Variants in CYTH3 observed in about 807,000 individuals in gnomAD.
CYTH3 encodes cytohesin 3.
Under a neutral mutation model 55.1 loss-of-function variants are expected in CYTH3, and 23 were observed. The ratio of observed to expected loss-of-function variants is 0.42; its 90% CI spans 0.30 to 0.59. The LOEUF (loss-of-function observed/expected upper bound fraction) is 0.59. Ranked by LOEUF, CYTH3 falls within the 20% of genes least tolerant of loss-of-function variation. The pLI is 0.20. For missense variants in CYTH3, 413 were observed against 524.8 expected (o/e 0.79, Z 2.08); for synonymous variants, 249 against 194.9 (o/e 1.28, Z -2.31).
intron 4 of CYTH3, among the ~76,000 whole-genome samples, chr7:6,182,780 G>C (rs1341746189): frequency 6.6e-6 from 1 of 152,104 alleles, no homozygotes; most frequent in African/African-American, 2.4e-5. Context: ...AAGACGTCAG[G>C]ATTATAGGCA....
chr7:6,245,004 TAG>T (rs1014754306), intron 1 of CYTH3, among the ~76,000 whole-genome samples: 5 of 130,946 alleles, frequency 3.8e-5, no homozygotes, highest in Admixed American at 8.5e-5. Context: ...GTATTTTTAG[TAG>T]AGACATGGTT....
intron 1 of CYTH3, among the ~76,000 whole-genome samples, chr7:6,242,440 G>C (rs1467332773): frequency 7.1e-5 from 10 of 140,526 alleles, no homozygotes; most frequent in African/African-American, 2.4e-4. Flanking sequence ...GCAGTGGCAC[G>C]ATCTTGGCTC....
At chr7:6,215,506 C>A (rs1022560925) in intron 1 of CYTH3, among the ~76,000 whole-genome samples, 2 of 150,020 alleles carry the variant, frequency 1.3e-5, no homozygotes, top group Non-Finnish European at 2.9e-5. Flanking sequence ...AGGAGAATGG[C>A]GTGAACCCAG....
At chr7:6,227,852 C>G (rs1779294352) in intron 1 of CYTH3, among the ~76,000 whole-genome samples, 1 of 152,160 alleles carries the variant, frequency 6.6e-6, no homozygotes, top group Non-Finnish European at 1.5e-5. Flanking sequence ...TGAATGTGAA[C>G]AAGTAACCTT....
At chr7:6,178,068 C>A in intron 4 of CYTH3, 127 bp from the exon 5 acceptor site, 1 of 662,468 alleles carries the variant, frequency 1.5e-6, no homozygotes, top group African/African-American at 1.8e-5. Flanking sequence ...CAGAGACACC[C>A]ATACAACTGC....
chr7:6,244,694 GAAACTTA>G (rs1779758554), intron 1 of CYTH3, among the ~76,000 whole-genome samples: 1 of 152,082 alleles, frequency 6.6e-6, no homozygotes, highest in Non-Finnish European at 1.5e-5. Context: ...TTTTAAAATG[GAAACTTA>G]AAACTTTAAT....
At chr7:6,233,790 G>A (rs1389876882) in intron 1 of CYTH3, among the ~76,000 whole-genome samples, 1 of 152,052 alleles carries the variant, frequency 6.6e-6, no homozygotes, top group Non-Finnish European at 1.5e-5. Flanking sequence ...AACAAAATGC[G>A]AAAGACTGGG....
intron 1 of CYTH3, among the ~76,000 whole-genome samples, chr7:6,259,059 G>GT (rs771344321): frequency 3.9e-5 from 6 of 152,246 alleles, no homozygotes; most frequent in South Asian, 4.2e-4. Flanking sequence ...TGTTTCATAC[G>GT]TATCTGTCCA....
intron 1 of CYTH3, among the ~76,000 whole-genome samples, chr7:6,269,855 T>C (rs758960731): frequency 8.5e-5 from 13 of 152,202 alleles, no homozygotes; most frequent in Admixed American, 2.0e-4. Context: ...TCAAGTCTTT[T>C]AACCTGACCA....
chr7:6,183,816 G>A (rs751851626), intron 4 of CYTH3, among the ~76,000 whole-genome samples: 3 of 151,470 alleles, frequency 2.0e-5, no homozygotes, highest in Non-Finnish European at 4.4e-5. Flanking sequence ...GGTAATCAGT[G>A]TTACATGAGG....
At chr7:6,173,836 T>C in intron 5 of CYTH3, 103 bp from the exon 6 acceptor site, 2 of 733,858 alleles carry the variant, frequency 2.7e-6, no homozygotes, top group Non-Finnish European at 4.9e-6. Flanking sequence ...CATGCACAAG[T>C]TTCTGCATGG....
chr7:6,248,516 T>C (rs750147958), intron 1 of CYTH3, among the ~76,000 whole-genome samples: 3 of 152,188 alleles, frequency 2.0e-5, no homozygotes, highest in Non-Finnish European at 4.4e-5. Flanking sequence ...ATGGGTGGGA[T>C]GCCACCCAAT....
At chr7:6,197,957 T>C (rs1260328228) in intron 1 of CYTH3, among the ~76,000 whole-genome samples, 2 of 151,988 alleles carry the variant, frequency 1.3e-5, no homozygotes, top group Non-Finnish European at 2.9e-5. Flanking sequence ...TAGCCAGACA[T>C]GTCACGCATG....
At chr7:6,176,102 TC>T (rs1490007354) in intron 5 of CYTH3, among the ~76,000 whole-genome samples, 1 of 152,154 alleles carries the variant, frequency 6.6e-6, no homozygotes, top group African/African-American at 2.4e-5. Context: ...TTCATTTTTT[TC>T]AACAATGTTT....
At chr7:6,240,170 G>A (rs1308399701) in intron 1 of CYTH3, among the ~76,000 whole-genome samples, 1 of 151,936 alleles carries the variant, frequency 6.6e-6, no homozygotes, top group Non-Finnish European at 1.5e-5. Flanking sequence ...GCCAGGTGTG[G>A]TGGCAGGCAC....
intron 5 of CYTH3, among the ~76,000 whole-genome samples, chr7:6,176,935 G>C (rs1248064098): frequency 6.6e-6 from 1 of 152,210 alleles, no homozygotes; most frequent in Non-Finnish European, 1.5e-5. Context: ...GGAGTTTTGA[G>C]TTCTGTCAAA....
chr7:6,261,966 A>T (rs1780364277), intron 1 of CYTH3, among the ~76,000 whole-genome samples: 1 of 152,188 alleles, frequency 6.6e-6, no homozygotes. Flanking sequence ...TGATTCATAC[A>T]ATAAAGCAGT....
At chr7:6,220,175 G>A (rs1784521106) in intron 1 of CYTH3, among the ~76,000 whole-genome samples, 1 of 152,080 alleles carries the variant, frequency 6.6e-6, no homozygotes, top group Non-Finnish European at 1.5e-5. Flanking sequence ...GGGATTACAG[G>A]GGTGAGCCAC....
Position 6,244,490 on chromosome 7 carries a change from A to G in CYTH3, c.34+27984T>C, listed in dbSNP as rs562349356. On this transcript the variant is annotated intron_variant, in intron 1 of 12. Transcript: ENST00000350796. ...AAAAATTATTTTTGTTTTGTTTGAG[A>G]CAGGGTCTTCGTCACCCATGCTGGA... 5.3e-5 allele frequency among the ~76,000 whole-genome samples: 8 copies of G among 152,298 alleles called. No individual in the cohort carries two copies. The South Asian group carries it at 1.5e-3, about 28-fold the overall frequency.
Sources: gnomAD v4.1 joint callset for allele counts (sites outside exome capture counted in the v4.1 genomes callset) on GRCh38, gnomAD v4.1.1 for gene constraint, MANE v1.5 for transcripts, NCBI Gene and HGNC (gene_info 2026-07-23, HGNC 2026-07-21) for gene names.